The following AKAP12 variants were observed in gnomAD, a reference collection of about 807,000 sequenced individuals.
The protein encoded by AKAP12 is A-kinase anchoring protein 12.
Under a neutral mutation model 79.9 loss-of-function variants are expected in AKAP12, and 32 were observed. That is an observed-to-expected ratio of 0.40 (90% CI 0.30 to 0.54). AKAP12 has a LOEUF of 0.54. Among genes scored for constraint, AKAP12 ranks in the 20% least tolerant of loss-of-function variants. AKAP12 has a pLI of 0.48. For synonymous variants in AKAP12, 808 were observed against 857.0 expected, an observed-to-expected ratio of 0.94 and a Z score of 1.00; for missense variants, 2,074 against 2,177.0, an observed-to-expected ratio of 0.95 and a Z score of 0.94.
At position 151,305,853 on chromosome 6, in the gene AKAP12, G is replaced by A. The variant is rs1776966523; in HGVS notation, c.269G>A (p.Gly90Asp). 2.5e-6 allele frequency: 4 copies of A among 1,613,818 alleles called. No homozygotes were observed. The highest frequency in any genetic ancestry group is 1.1e-5 in the South Asian group (1 of 90,984). The change falls in exon 3 of 5, where the codon GGT becomes GAT. Residue 90 changes from glycine to aspartate, a missense_variant. Coordinates refer to ENST00000402676, the MANE Select transcript of AKAP12 (RefSeq NM_005100.4). ...AATGGCCAGAAAGGAGCCCTGAACG[G>A]TCAAGGAGCCCTAAACAGCCAGGAG... The part of the protein sequence containing the change: ...DLNGQKGALN[G>D]QGALNSQEEE...
In AKAP12 at chr6:151,352,253, A is replaced by G. The variant is rs781008227; in HGVS notation, c.3862A>G (p.Ile1288Val). 8 of 1,614,118 alleles carry G rather than the reference A, an allele frequency of 5.0e-6. No homozygotes were observed. The East Asian group carries it at 6.7e-5, about 13-fold the overall frequency. The change falls in exon 4 of 5, where the codon ATA becomes GTA. Residue 1288 changes from isoleucine (I) to valine (V), a missense_variant. Around this residue, in one of 3 missense-constraint regions of AKAP12, gnomAD observed 614 missense variants for 665.6 expected, o/e 0.92. Coordinates refer to ENST00000402676, the MANE Select transcript of AKAP12 (RefSeq NM_005100.4). ...ATTTTTCGAAGGACTTGAGGGGTCTATAGACACAGGCATAACAGTCAGTCG... is the reference window on the plus strand; with the variant it reads ...ATTTTTCGAAGGACTTGAGGGGTCTGTAGACACAGGCATAACAGTCAGTCG... ...VPFFEGLEGS[I>V]DTGITVSREK...
At chr6:151,312,608 G>A (rs867431074) in intron 3 of AKAP12, among the ~76,000 whole-genome samples, 4 of 152,058 alleles carry the variant, frequency 2.6e-5, no homozygotes, top group Non-Finnish European at 5.9e-5. Context: ...AGGCTAACAC[G>A]GTGAAACTCC....
intron 2 of AKAP12, among the ~76,000 whole-genome samples, chr6:151,302,528 C>T (rs541568067): frequency 1.1e-4 from 17 of 151,974 alleles, no homozygotes; most frequent in African/African-American, 4.1e-4. Flanking sequence ...TAAAGAGACT[C>T]AGTTTGGCTC....
At position 151,351,738 on chromosome 6, in the gene AKAP12, C is replaced by T; in HGVS notation, c.3347C>T (p.Thr1116Ile). The T allele has an allele frequency of 1.2e-6, 2 of 1,614,144 alleles. No homozygotes were observed. Among genetic ancestry groups the T allele is most frequent in the Non-Finnish European group, 8.5e-7 (1 of 1,180,032 alleles). ...FTQGKVVGQTTPESFEKAPQV... is the reference protein window; with the variant it reads ...FTQGKVVGQTIPESFEKAPQV... Reference sequence around the variant, plus strand: ...CAAGGGAAGGTGGTGGGGCAGACCACCCCAGAAAGCTTTGAAAAAGCTCCT... The same window carrying T: ...CAAGGGAAGGTGGTGGGGCAGACCATCCCAGAAAGCTTTGAAAAAGCTCCT... The change falls in exon 4 of 5, where the codon ACC becomes ATC. Residue 1116 changes from threonine to isoleucine, a missense_variant. Coordinates refer to ENST00000402676, the MANE Select transcript of AKAP12 (RefSeq NM_005100.4). This position sits in a 1 kb window ranked among gnomAD's most constrained non-coding sequence, Gnocchi z 4.4.
chr6:151,301,214 T>C (rs9478194), intron 2 of AKAP12, among the ~76,000 whole-genome samples: 2,459 of 152,268 alleles, frequency 0.016, 68 homozygotes, highest in African/African-American at 0.056. Context: ...GGCAGAGCTG[T>C]GTGTAAATCC....
At chr6:151,261,697 C>T (rs891824068) in intron 2 of AKAP12, among the ~76,000 whole-genome samples, 2 of 150,982 alleles carry the variant, frequency 1.3e-5, no homozygotes, top group African/African-American at 4.9e-5. Context: ...CAGACTCCAT[C>T]TCAAAAACAA....
At position 151,259,823 on chromosome 6, in the gene AKAP12, TG is replaced by T. The variant is rs528287022; in HGVS notation, c.162+19100del. Reference sequence around the variant, plus strand: ...AACTCCTGGCCTCAAGTGATCCACCTGCCTCAGCCTCCCAAAGCGCCGGGAT... The same window carrying T: ...AACTCCTGGCCTCAAGTGATCCACCTCCTCAGCCTCCCAAAGCGCCGGGAT... On this transcript the variant is annotated intron_variant, in intron 2 of 4. Coordinates refer to ENST00000402676, the MANE Select transcript of AKAP12 (RefSeq NM_005100.4). Among the ~76,000 whole-genome samples the T allele has an allele frequency of 3.6e-3, 549 of 151,970 alleles. 3 individuals are homozygous for T. The highest frequency in any genetic ancestry group is 0.012 in the African/African-American group (507 of 41,444).
chr6:151,324,712 A>C, intron 3 of AKAP12: 2 of 985,416 alleles, frequency 2.0e-6, no homozygotes, highest in Non-Finnish European at 2.4e-6. Context: ...GAAAGAAGGG[A>C]ACAAACCCAG....
chr6:151,346,142 C>T (rs1306606526), intron 3 of AKAP12, among the ~76,000 whole-genome samples: 5 of 151,996 alleles, frequency 3.3e-5, no homozygotes, highest in Admixed American at 6.6e-5. Context: ...GCTGTTTTTC[C>T]CTAACAAATA....
chr6:151,354,267 T>C (rs1778383452), intron 4 of AKAP12, among the ~76,000 whole-genome samples: 1 of 151,800 alleles, frequency 6.6e-6, no homozygotes, highest in South Asian at 2.1e-4. Context: ...CCCCTAGCAG[T>C]AGTAACAAGT....
intron 3 of AKAP12, 33 bp from the exon 4 acceptor site, chr6:151,348,678 T>TGTGGGGGGGGGGGGGGGG: frequency 1.3e-5 from 5 of 374,898 alleles, no homozygotes; most frequent in Non-Finnish European, 2.1e-5. Flanking sequence ...CCTTTTCTCT[T>TGTGGGGGGGGGGGGGGGG]CTCCCCACCC....
At chr6:151,248,676 CTTTG>C (rs1195265259) in intron 2 of AKAP12, among the ~76,000 whole-genome samples, 1 of 152,080 alleles carries the variant, frequency 6.6e-6, no homozygotes, top group Non-Finnish European at 1.5e-5. Context: ...AATTTCATTC[CTTTG>C]TTTGACTATA....
At chr6:151,348,009 TAAAAATACA>T (rs767761031) in intron 3 of AKAP12, among the ~76,000 whole-genome samples, 1,934 of 118,602 alleles carry the variant, frequency 0.016, 46 homozygotes, top group African/African-American at 0.047. Flanking sequence ...GTCTCTATAC[TAAAAATACA>T]AAAAAAAAAA....
chr6:151,337,816 C>T lies in AKAP12; in HGVS notation c.320-10895C>T, dbSNP rs550592440. Among the ~76,000 whole-genome samples the T allele has an allele frequency of 3.3e-5, 5 of 152,212 alleles. No homozygotes were observed. In the East Asian group the frequency reaches 7.7e-4, roughly 24 times the overall value. On this transcript the variant is annotated intron_variant, in intron 3 of 4. Coordinates refer to ENST00000402676, the MANE Select transcript of AKAP12 (RefSeq NM_005100.4). The stretch of plus-strand genomic sequence containing the variant: ...ATCCCAGCACTTTGGGAGACTGAGG[C>T]GGATTGCTTTGAGCTCAGGAGTTCA...
chr6:151,349,871 G>A lies in AKAP12; in HGVS notation c.1480G>A (p.Glu494Lys), dbSNP rs970522287. 1.2e-5 allele frequency: 19 copies of A among 1,614,028 alleles called. No individual in the cohort carries two copies. Among genetic ancestry groups the A allele is most frequent in the Admixed American group, 3.3e-5 (2 of 59,998 alleles). Residue 494 changes from glutamate (E) to lysine (K), a missense_variant, in exon 4 of 5, where the codon GAA (glutamate) becomes AAA (lysine). Transcript: ENST00000402676. ...PDEKVLSKPP[E>K]GVVSEVEMLS... Reference sequence around the variant, plus strand: ...TGAGAAGGTGCTGTCCAAACCCCCCGAAGGCGTTGTGAGTGAGGTGGAAAT... The same window carrying A: ...TGAGAAGGTGCTGTCCAAACCCCCCAAAGGCGTTGTGAGTGAGGTGGAAAT...
At chr6:151,321,564 A>C (rs574783789) in intron 3 of AKAP12, among the ~76,000 whole-genome samples, 2 of 151,976 alleles carry the variant, frequency 1.3e-5, no homozygotes, top group East Asian at 3.8e-4. Flanking sequence ...AAACAAGCTC[A>C]ATTTTATTTA....
chr6:151,245,575 G>T lies in AKAP12; in HGVS notation c.162+4851G>T, dbSNP rs1177247486. On this transcript the variant is annotated intron_variant, in intron 2 of 4. Coordinates refer to ENST00000402676, the MANE Select transcript of AKAP12 (RefSeq NM_005100.4). Reference sequence around the variant, plus strand: ...CAGGAGAATGGCGTGAACCCGGGAGGTGGAGCTTGCAGGGAGCCGAGATGG... The same window carrying T: ...CAGGAGAATGGCGTGAACCCGGGAGTTGGAGCTTGCAGGGAGCCGAGATGG... Among the ~76,000 whole-genome samples the T allele has an allele frequency of 6.2e-5, 9 of 144,096 alleles. No individual in the cohort carries two copies. The East Asian group carries it at 1.7e-3, about 27-fold the overall frequency. The allele number at this position is 144,096 out of a possible 152,430, so 94.5% of individuals were successfully genotyped here. A position where few individuals can be genotyped will look rare whatever the true frequency, so the allele number is the denominator to read the frequency against.
chr6:151,338,056 T>C (rs1302321172), intron 3 of AKAP12, among the ~76,000 whole-genome samples: 1 of 152,172 alleles, frequency 6.6e-6, no homozygotes, highest in African/African-American at 2.4e-5. Context: ...GGGAAGCATT[T>C]GAAAGTAAGT....
intron 2 of AKAP12, among the ~76,000 whole-genome samples, chr6:151,290,084 T>C (rs2114735459): frequency 6.6e-6 from 1 of 152,288 alleles, no homozygotes; most frequent in South Asian, 2.1e-4. Context: ...ACTGGAGAAA[T>C]GTGTGGACTA....
Sources: allele counts gnomAD v4.1 joint callset (sites outside exome capture counted in the v4.1 genomes callset), GRCh38; gene constraint gnomAD v4.1.1; regional missense constraint gnomAD v4.1.1; non-coding constraint Gnocchi (gnomAD v3.1); transcripts MANE v1.5; gene names NCBI Gene and HGNC (gene_info 2026-07-23, HGNC 2026-07-21).